Variants in ADAMTS12 observed in about 807,000 individuals in gnomAD.
ADAMTS12 encodes A disintegrin and metalloproteinase with thrombospondin motifs 12.
In ADAMTS12, 118 loss-of-function variants were observed where a neutral mutation model predicts 167.8. That is an observed-to-expected ratio of 0.70 (90% confidence interval 0.61 to 0.82). The LOEUF is 0.82. Among genes scored for constraint, ADAMTS12 ranks in the 40% least tolerant of loss-of-function variants. ADAMTS12 has a pLI of 0.00. For synonymous variants in ADAMTS12, 704 were observed against 716.9 expected, an observed-to-expected ratio of 0.98 and a Z score of 0.29; for missense variants, 1,916 against 1,998.8, an observed-to-expected ratio of 0.96 and a Z score of 0.79.
At chr5:33,605,502 G>C (rs1007279334) in intron 16 of ADAMTS12, among the ~76,000 whole-genome samples, 3 of 152,008 alleles carry the variant, frequency 2.0e-5, no homozygotes, top group African/African-American at 7.3e-5. Context: ...GGAAAATATA[G>C]TCATTGAAAT....
chr5:33,802,985 G>A (rs1173023521), intron 2 of ADAMTS12, among the ~76,000 whole-genome samples: 1 of 152,130 alleles, frequency 6.6e-6, no homozygotes, highest in African/African-American at 2.4e-5. Flanking sequence ...AACAACCCCT[G>A]CCCTCAGAAG....
At chr5:33,856,879 T>G (rs993893587) in intron 2 of ADAMTS12, among the ~76,000 whole-genome samples, 6 of 152,298 alleles carry the variant, frequency 3.9e-5, no homozygotes, top group African/African-American at 1.4e-4. Context: ...ACCATATGAT[T>G]CAGCAATTCC....
intron 7 of ADAMTS12, among the ~76,000 whole-genome samples, chr5:33,655,789 C>T (rs1384131227): frequency 2.0e-5 from 3 of 151,860 alleles, no homozygotes; most frequent in Non-Finnish European, 2.9e-5. Context: ...AGGTATGCCC[C>T]GAATGCTATC....
rs371188091 is a variant in ADAMTS12, at chr5:33,872,861, A to G, written c.489+8258T>C. ...AGAAAAAAATTACATGATCATACCTATAGATGGAGGACAAACACTTGACAA... is the reference window on the plus strand; with the variant it reads ...AGAAAAAAATTACATGATCATACCTGTAGATGGAGGACAAACACTTGACAA... On this transcript the variant is annotated intron_variant, in intron 2 of 23. Transcript: ENST00000504830. Among the ~76,000 whole-genome samples, 13 of 152,346 alleles carry G rather than the reference A, an allele frequency of 8.5e-5. No individual in the cohort carries two copies. In the East Asian group the frequency reaches 9.7e-4, roughly 11 times the overall value.
At chr5:33,748,148 C>A (rs1263836516) in intron 3 of ADAMTS12, among the ~76,000 whole-genome samples, 1 of 152,162 alleles carries the variant, frequency 6.6e-6, no homozygotes, top group Admixed American at 6.5e-5. Flanking sequence ...GTTAATTCTT[C>A]TTCCCCAGAT....
chr5:33,542,479 C>A (rs1215964549), intron 22 of ADAMTS12, among the ~76,000 whole-genome samples: 1 of 152,174 alleles, frequency 6.6e-6, no homozygotes, highest in Non-Finnish European at 1.5e-5. Flanking sequence ...ACAAGGATAT[C>A]CAGGACTTGA....
chr5:33,722,795 G>T (rs1262868624), intron 3 of ADAMTS12, among the ~76,000 whole-genome samples: 7 of 152,200 alleles, frequency 4.6e-5, no homozygotes, highest in Non-Finnish European at 1.0e-4. Flanking sequence ...CAAGGTGATG[G>T]TTATGTCATG....
intron 23 of ADAMTS12, among the ~76,000 whole-genome samples, chr5:33,534,187 G>T (rs1213808446): frequency 6.6e-6 from 1 of 152,140 alleles, no homozygotes; most frequent in Non-Finnish European, 1.5e-5. Context: ...GAGTGTGGGA[G>T]TGTGAATGTA....
intron 19 of ADAMTS12, among the ~76,000 whole-genome samples, chr5:33,562,004 G>A (rs1745771820): frequency 6.6e-6 from 1 of 151,720 alleles, no homozygotes; most frequent in Non-Finnish European, 1.5e-5. Flanking sequence ...CAGGCTTTGA[G>A]AGCTGACCTG....
chr5:33,592,224 C>T (rs1202049876), intron 17 of ADAMTS12, among the ~76,000 whole-genome samples: 4 of 151,218 alleles, frequency 2.6e-5, no homozygotes, highest in East Asian at 1.9e-4. Flanking sequence ...AGCGAAACTC[C>T]GTCTCAAAAC....
At chr5:33,648,736 AGT>A (rs1491552514) in intron 9 of ADAMTS12, 84 bp downstream of exon 9, 1 of 1,042,094 alleles carries the variant, frequency 9.6e-7, no homozygotes, top group Non-Finnish European at 1.4e-6. Flanking sequence ...CTGGATGTTC[AGT>A]TATTTCCAAA....
chr5:33,768,725 C>G (rs1439636689), intron 2 of ADAMTS12, among the ~76,000 whole-genome samples: 1 of 151,972 alleles, frequency 6.6e-6, no homozygotes, highest in Non-Finnish European at 1.5e-5. Context: ...AAAATAGAAT[C>G]CCACTTATTA....
At chr5:33,582,013 C>T (rs1390963059) in intron 18 of ADAMTS12, among the ~76,000 whole-genome samples, 1 of 152,194 alleles carries the variant, frequency 6.6e-6, no homozygotes, top group African/African-American at 2.4e-5. Context: ...AAGGAATTCA[C>T]TTTGCCAACA....
chr5:33,658,232 T>C lies in ADAMTS12; in HGVS notation c.1142A>G (p.Asp381Gly). Reference protein sequence around the residue: ...QPHRSCNINEDSGLPLAFTIA... With the variant: ...QPHRSCNINEGSGLPLAFTIA... ...TGTGAAAGCCAGAGGGAGTCCCGAA[T>C]CTTCATTGATGTTACAACTGCGGTG... is the stretch of plus-strand genomic sequence containing the variant. Residue 381 changes from aspartate (D) to glycine (G), a missense_variant, in exon 7 of 24, where the codon GAT becomes GGT. Coordinates refer to ENST00000504830, the MANE Select transcript of ADAMTS12 (RefSeq NM_030955.4). The C allele has an allele frequency of 1.2e-6, 2 of 1,613,740 alleles. No homozygotes were observed. The highest frequency in any genetic ancestry group is 2.7e-5 in the African/African-American group (2 of 75,028).
intron 2 of ADAMTS12, among the ~76,000 whole-genome samples, chr5:33,807,774 CTT>C (rs1747295306): frequency 2.0e-5 from 3 of 152,108 alleles, no homozygotes; most frequent in African/African-American, 7.2e-5. Flanking sequence ...GCAAATGAAA[CTT>C]GTGTGGAATT....
intron 2 of ADAMTS12, among the ~76,000 whole-genome samples, chr5:33,760,578 A>G (rs1745317616): frequency 6.6e-6 from 1 of 152,218 alleles, no homozygotes; most frequent in Non-Finnish European, 1.5e-5. Flanking sequence ...GAAGAAAACT[A>G]GGAAAGGAAT....
intron 5 of ADAMTS12, among the ~76,000 whole-genome samples, chr5:33,663,108 A>G (rs1018489489): frequency 1.1e-4 from 16 of 152,372 alleles, no homozygotes; most frequent in Non-Finnish European, 7.3e-5. Flanking sequence ...ACTATTATAG[A>G]CCAGTTTCCT....
intron 2 of ADAMTS12, among the ~76,000 whole-genome samples, chr5:33,877,649 G>A (rs148347359): frequency 1.3e-5 from 2 of 152,318 alleles, no homozygotes; most frequent in African/African-American, 4.8e-5. Flanking sequence ...GTGGAGATGA[G>A]AGAGGACAGC....
intron 2 of ADAMTS12, among the ~76,000 whole-genome samples, chr5:33,811,829 G>A (rs1320785394): frequency 6.6e-6 from 1 of 152,188 alleles, no homozygotes; most frequent in Non-Finnish European, 1.5e-5. Context: ...AGCCAACAAG[G>A]TGTCCTGGAC....
Sources: gnomAD v4.1 joint callset for allele counts (sites outside exome capture counted in the v4.1 genomes callset) on GRCh38, gnomAD v4.1.1 for gene constraint, MANE v1.5 for transcripts, NCBI Gene and HGNC (gene_info 2026-07-23, HGNC 2026-07-21) for gene names.